DENND5A: variants seen among roughly 807,000 people sequenced by gnomAD.
DENND5A encodes DENN domain-containing protein 5A.
A neutral mutation model predicts 140.3 loss-of-function variants in DENND5A; 64 were observed. The observed-to-expected ratio is 0.46, with a 90% CI of 0.37 to 0.56. DENND5A has a LOEUF of 0.56. Among genes scored for constraint, DENND5A ranks in the 20% least tolerant of loss-of-function variants. The pLI, the probability that DENND5A is intolerant of heterozygous loss-of-function variation, is 0.00. For missense variants in DENND5A, 1,292 were observed against 1,593.8 expected (o/e 0.81, Z 3.22); for synonymous variants, 605 against 607.7 (o/e 1.00, Z 0.07).
chr11:9,169,646 A>G (rs369722620), intron 10 of DENND5A, among the ~76,000 whole-genome samples: 2 of 152,096 alleles, frequency 1.3e-5, no homozygotes, highest in South Asian at 4.1e-4. Context: ...GTTAGTAGCT[A>G]GCTGGAATTT....
chr11:9,170,858 A>G, intron 8 of DENND5A, 81 bp from the exon 9 acceptor site: 2 of 1,571,940 alleles, frequency 1.3e-6, no homozygotes, highest in Admixed American at 1.7e-5. Flanking sequence ...ACATTCTTTA[A>G]GAATCTAGCT....
At chr11:9,217,070 G>C (rs1850121214) in intron 1 of DENND5A, among the ~76,000 whole-genome samples, 1 of 152,114 alleles carries the variant, frequency 6.6e-6, no homozygotes, top group Non-Finnish European at 1.5e-5. Flanking sequence ...GCAGGCATCA[G>C]CTGATGAACA....
At chr11:9,152,532 AT>A (rs1847654244) in intron 12 of DENND5A, 90 bp from the exon 13 acceptor site, 7 of 868,458 alleles carry the variant, frequency 8.1e-6, no homozygotes, top group African/African-American at 3.3e-5. Context: ...TGCTAAAAAA[AT>A]ATATGTACTG....
chr11:9,226,387 T>A (rs1057491636), intron 1 of DENND5A, among the ~76,000 whole-genome samples: 1 of 152,208 alleles, frequency 6.6e-6, no homozygotes, highest in Non-Finnish European at 1.5e-5. Context: ...TGAGTAATGA[T>A]CTCAATTTCA....
At chr11:9,153,505 T>C (rs1847703303) in intron 12 of DENND5A, among the ~76,000 whole-genome samples, 1 of 152,120 alleles carries the variant, frequency 6.6e-6, no homozygotes, top group Non-Finnish European at 1.5e-5. Flanking sequence ...TTTAAAGTTA[T>C]TCCTTTAAAT....
At chr11:9,177,871 A>G (rs1412918375) in intron 8 of DENND5A, 5 of 365,402 alleles carry the variant, frequency 1.4e-5, no homozygotes, top group Non-Finnish European at 2.5e-5. Context: ...TTGCTAATAT[A>G]AGAAAAAGAA....
intron 8 of DENND5A, among the ~76,000 whole-genome samples, chr11:9,174,572 C>T (rs186409064): frequency 1.3e-5 from 2 of 150,050 alleles, no homozygotes; most frequent in Admixed American, 6.7e-5. Flanking sequence ...TGGCGGCACA[C>T]ATCTACTGTC....
At chr11:9,197,434 G>A (rs902924612) in intron 4 of DENND5A, among the ~76,000 whole-genome samples, 1 of 149,744 alleles carries the variant, frequency 6.7e-6, no homozygotes, top group Admixed American at 6.8e-5. Flanking sequence ...AGTGGCTCAC[G>A]CCTGTAATCC....
At chr11:9,193,807 G>T in intron 4 of DENND5A, 126 bp from the exon 5 acceptor site, 1 of 803,082 alleles carries the variant, frequency 1.2e-6, no homozygotes, top group African/African-American at 1.7e-5. Context: ...ATAAACTTCA[G>T]CTAGGGTATG....
intron 12 of DENND5A, among the ~76,000 whole-genome samples, chr11:9,156,661 G>A (rs1236834720): frequency 1.3e-5 from 2 of 151,914 alleles, no homozygotes; most frequent in African/African-American, 4.8e-5. Context: ...AATTAGCCAG[G>A]CATTGTGGTG....
chr11:9,219,262 T>C (rs1419819092), intron 1 of DENND5A, among the ~76,000 whole-genome samples: 1 of 151,990 alleles, frequency 6.6e-6, no homozygotes, highest in Non-Finnish European at 1.5e-5. Flanking sequence ...AGACACGTCA[T>C]GATGTAATTT....
chr11:9,240,325 G>A (rs1274180801), intron 1 of DENND5A, among the ~76,000 whole-genome samples: 1 of 152,136 alleles, frequency 6.6e-6, no homozygotes, highest in Non-Finnish European at 1.5e-5. Context: ...AACCCGGGAG[G>A]TGGAGGTTGC....
intron 15 of DENND5A, among the ~76,000 whole-genome samples, chr11:9,147,723 T>C (rs1191180131): frequency 6.6e-6 from 1 of 152,212 alleles, no homozygotes; most frequent in Admixed American, 6.5e-5. Flanking sequence ...GCAGATCATA[T>C]CCTTCCCCTT....
At chr11:9,184,059 A>T (rs1467189488) in intron 5 of DENND5A, among the ~76,000 whole-genome samples, 1 of 151,920 alleles carries the variant, frequency 6.6e-6, no homozygotes, top group East Asian at 1.9e-4. Flanking sequence ...CTCAAAAAAA[A>T]AAAGACATTT....
At chr11:9,163,938 A>C (rs1164067524) in intron 11 of DENND5A, among the ~76,000 whole-genome samples, 1 of 151,530 alleles carries the variant, frequency 6.6e-6, no homozygotes, top group African/African-American at 2.4e-5. Flanking sequence ...ACAGATATTA[A>C]TTACTCAGAG....
At chr11:9,249,191 G>A (rs1001412962) in intron 1 of DENND5A, among the ~76,000 whole-genome samples, 5 of 151,352 alleles carry the variant, frequency 3.3e-5, no homozygotes, top group Admixed American at 1.3e-4. Flanking sequence ...TAGTGCCACC[G>A]CACTCCAGCC....
chr11:9,236,897 G>A (rs942010039), intron 1 of DENND5A, among the ~76,000 whole-genome samples: 2 of 151,962 alleles, frequency 1.3e-5, no homozygotes, highest in African/African-American at 4.8e-5. Context: ...TTGAAGTTTT[G>A]ATATATTTCC....
rs141212967 is a variant in DENND5A, at chr11:9,225,745, G to A, written c.110-18113C>T. ...CCACTCTACTCCAGCCTGGGCAACA[G>A]AGCAAGACTCTGTCTCAAAAAATAT... is the stretch of plus-strand genomic sequence containing the variant. On this transcript the variant is annotated intron_variant, in intron 1 of 22. Coordinates refer to ENST00000328194, the MANE Select transcript of DENND5A (RefSeq NM_015213.4). 9.1e-4 allele frequency among the ~76,000 whole-genome samples: 139 copies of A among 152,194 alleles called. 1 individual carries two copies. The highest frequency in any genetic ancestry group is 3.1e-3 in the African/African-American group (127 of 41,526).
At chr11:9,166,127 G>A (rs1848184638) in intron 10 of DENND5A, among the ~76,000 whole-genome samples, 160 bp from the exon 11 acceptor site, 1 of 147,482 alleles carries the variant, frequency 6.8e-6, no homozygotes, top group African/African-American at 2.5e-5. Context: ...TCGCCAGGCT[G>A]GAGTGCAGTG....
Sources: allele counts gnomAD v4.1 joint callset (sites outside exome capture counted in the v4.1 genomes callset), GRCh38; gene constraint gnomAD v4.1.1; transcripts MANE v1.5; gene names NCBI Gene and HGNC (gene_info 2026-07-23, HGNC 2026-07-21).